CELSR1: variants seen among roughly 807,000 people sequenced by gnomAD.
CELSR1 encodes cadherin EGF LAG seven-pass G-type receptor 1, also known as adhesion G protein-coupled receptor C1.
In CELSR1, 110 loss-of-function variants were observed where a neutral mutation model predicts 249.1. The observed-to-expected ratio is 0.44, with a 90% CI of 0.38 to 0.52. The LOEUF is 0.52. CELSR1 is among the 20% of genes least tolerant of loss of function. The pLI is 0.00. For missense variants in CELSR1, 4,109 were observed against 4,296.4 expected, an observed-to-expected ratio of 0.96 and a Z score of 1.22; for synonymous variants, 2,113 against 1,900.0, an observed-to-expected ratio of 1.11 and a Z score of -2.92.
intron 1 of CELSR1, among the ~76,000 whole-genome samples, chr22:46,499,138 C>T (rs1020206723): frequency 6.7e-6 from 1 of 150,084 alleles, no homozygotes; most frequent in Non-Finnish European, 1.5e-5. Context: ...CGAGATCGTG[C>T]CACTGCACTC....
At chr22:46,371,087 C>T (rs1046008122) in intron 25 of CELSR1, among the ~76,000 whole-genome samples, 3 of 152,196 alleles carry the variant, frequency 2.0e-5, no homozygotes, top group South Asian at 2.1e-4. Context: ...GGCAAGGTAT[C>T]GCCTCCCTGT....
In CELSR1 at chr22:46,394,225, G is replaced by C. The variant is rs771811711; in HGVS notation, c.5881C>G (p.Pro1961Ala). 4.3e-6 allele frequency: 7 copies of C among 1,613,832 alleles called. No homozygotes were observed. The African/African-American group carries it at 5.3e-5, about 12-fold the overall frequency. Reference sequence around the variant, plus strand: ...GCACAGTGGCAGGGTCCACAGACGGGGTTCCCCCACCAGCCTCTGGGGCAC... The same window carrying C: ...GCACAGTGGCAGGGTCCACAGACGGCGTTCCCCCACCAGCCTCTGGGGCAC... Reference protein sequence around the residue: ...LPCPRGWWGNPVCGPCHCAVS... With the variant: ...LPCPRGWWGNAVCGPCHCAVS... The change falls in exon 14 of 35, where the codon CCC becomes GCC. Residue 1961 changes from proline to alanine, a missense_variant. This residue lies in a region of CELSR1 where 1,805 missense variants were observed against 1,831.6 expected (regional missense o/e 0.99). Transcript: ENST00000674500.
In CELSR1 at chr22:46,447,791, T is replaced by G. The variant is rs2079837169; in HGVS notation, c.4184-8380A>C. Among the ~76,000 whole-genome samples, 1 of 152,166 alleles carries G rather than the reference T, an allele frequency of 6.6e-6. No individual in the cohort carries two copies. Among genetic ancestry groups the G allele is most frequent in the Admixed American group, 6.5e-5 (1 of 15,274 alleles). On this transcript the variant is annotated intron_variant, in intron 2 of 34. Coordinates refer to ENST00000674500, the MANE Select transcript of CELSR1 (RefSeq NM_001378328.1). The surrounding 1 kb of genome is among the most constrained non-coding windows in gnomAD (Gnocchi z 4.7). ...CACACCACCACACCTGGCTAATTTT[T>G]GTATTTTAAGTAGAGACGGGGTTTC...
intron 27 of CELSR1, among the ~76,000 whole-genome samples, chr22:46,368,319 GA>G (rs2078810620): frequency 6.6e-6 from 1 of 152,088 alleles, no homozygotes; most frequent in Admixed American, 6.5e-5. Context: ...GTTCAGAGGG[GA>G]TGGAGTGAAT....
chr22:46,378,835 G>C, intron 22 of CELSR1, 118 bp from the exon 23 acceptor site: 1 of 1,336,602 alleles, frequency 7.5e-7, no homozygotes, highest in Non-Finnish European at 1.0e-6. Context: ...AAACCAAACA[G>C]CAGGTGCCGT....
intron 2 of CELSR1, among the ~76,000 whole-genome samples, chr22:46,451,598 T>A (rs909855): frequency 1.3e-5 from 2 of 152,144 alleles, no homozygotes; most frequent in East Asian, 2.0e-4. Context: ...CGGGCCCAGG[T>A]GACCCCAGCC....
In CELSR1 at chr22:46,517,293, GAAGA is replaced by G. The variant is rs2080637921; in HGVS notation, c.3544+16330_3544+16333del. Reference sequence around the variant, plus strand: ...GATGACCCGCAGGAAAAACAGGAGGGAAGAGAGAATTCCTGCCACAAATGCAATG... The same window carrying G: ...GATGACCCGCAGGAAAAACAGGAGGGGAGAATTCCTGCCACAAATGCAATG... On this transcript the variant is annotated intron_variant, in intron 1 of 34. Transcript: ENST00000674500. The surrounding 1 kb of genome is among the most constrained non-coding windows in gnomAD (Gnocchi z 5.4). Among the ~76,000 whole-genome samples, 1 of 152,222 alleles carries G rather than the reference GAAGA, an allele frequency of 6.6e-6. No homozygotes were observed. Among genetic ancestry groups the G allele is most frequent in the Admixed American group, 6.5e-5 (1 of 15,290 alleles).
In CELSR1 at chr22:46,484,849, G is replaced by A. The variant is rs16995308; in HGVS notation, c.3545-20504C>T. Reference sequence around the variant, plus strand: ...GCCTCCCTCCAATTTAGTGAATGGCGAGCAAATCATTTTCTTTGGGGGAAA... The same window carrying A: ...GCCTCCCTCCAATTTAGTGAATGGCAAGCAAATCATTTTCTTTGGGGGAAA... On this transcript the variant is annotated intron_variant, in intron 1 of 34. Transcript: ENST00000674500. The surrounding 1 kb of genome is among the most constrained non-coding windows in gnomAD (Gnocchi z 4.5). 0.01 allele frequency among the ~76,000 whole-genome samples: 1,511 copies of A among 150,298 alleles called. 35 individuals are homozygous for A. The highest frequency in any genetic ancestry group is 0.035 in the African/African-American group (1,439 of 40,988).
chr22:46,503,076 A>C (rs1424528812), intron 1 of CELSR1, among the ~76,000 whole-genome samples: 1 of 152,118 alleles, frequency 6.6e-6, no homozygotes, highest in Non-Finnish European at 1.5e-5. Flanking sequence ...TTTGTCCCTT[A>C]ACAGTCGGGG....
At chr22:46,485,717 G>A (rs910388758) in intron 1 of CELSR1, among the ~76,000 whole-genome samples, 7 of 152,166 alleles carry the variant, frequency 4.6e-5, no homozygotes, top group East Asian at 1.9e-4. Context: ...GGCGGGGACC[G>A]TTGACGCTCA....
intron 1 of CELSR1, among the ~76,000 whole-genome samples, chr22:46,532,415 A>G (rs1461225363): frequency 6.6e-6 from 1 of 152,262 alleles, no homozygotes; most frequent in Admixed American, 6.5e-5. Flanking sequence ...TTTGTATTAT[A>G]CCAAAACTGA....
rs1007339964 is a variant in CELSR1, at chr22:46,412,121, G to A, written c.4612-362C>T. Among the ~76,000 whole-genome samples the A allele has an allele frequency of 5.3e-5, 8 of 152,190 alleles. No homozygotes were observed. Among genetic ancestry groups the A allele is most frequent in the African/African-American group, 9.7e-5 (4 of 41,442 alleles). On this transcript the variant is annotated intron_variant, in intron 5 of 34. Transcript: ENST00000674500. The surrounding 1 kb of genome is among the most constrained non-coding windows in gnomAD (Gnocchi z 4.5). ...GCACACAGGGAGAAGCTGCGTGACC[G>A]CGGAGGCAGCTGCTGGAGCAGCTGT... is the stretch of plus-strand genomic sequence containing the variant.
chr22:46,483,168 A>G (rs544696430), intron 1 of CELSR1, among the ~76,000 whole-genome samples: 5 of 152,336 alleles, frequency 3.3e-5, no homozygotes, highest in Non-Finnish European at 5.9e-5. Context: ...TAGGTAAGCA[A>G]TTCTTAAACA....
intron 1 of CELSR1, chr22:46,481,784 C>A: frequency 3.6e-6 from 1 of 278,556 alleles, no homozygotes; most frequent in Non-Finnish European, 7.0e-6. Flanking sequence ...TTTTCTAAAT[C>A]TTTTTTTTTT....
chr22:46,534,041 G>A lies in CELSR1; in HGVS notation c.3130C>T (p.Arg1044Trp), dbSNP rs776848215. 13 of 1,613,568 alleles carry A rather than the reference G, an allele frequency of 8.1e-6. No individual in the cohort carries two copies. The highest frequency in any genetic ancestry group is 1.3e-5 in the African/African-American group (1 of 74,926). ...IMYQIVEGDMRHFFQLDLLNG... is the reference protein window; with the variant it reads ...IMYQIVEGDMWHFFQLDLLNG... Reference sequence around the variant, plus strand: ...AGCAGGTCCAGCTGGAAGAAATGCCGCATGTCCCCTTCCACAATCTGATAC... The same window carrying A: ...AGCAGGTCCAGCTGGAAGAAATGCCACATGTCCCCTTCCACAATCTGATAC... Residue 1044 changes from arginine (R) to tryptophan (W), a missense_variant, in exon 1 of 35, where the codon CGG becomes TGG. Around this residue, in one of 7 missense-constraint regions of CELSR1, gnomAD observed 886 missense variants for 896.5 expected, o/e 0.99. Coordinates refer to ENST00000674500, the MANE Select transcript of CELSR1 (RefSeq NM_001378328.1). The surrounding 1 kb of genome is among the most constrained non-coding windows in gnomAD (Gnocchi z 9.7).
At position 46,535,270 on chromosome 22, in the gene CELSR1, T is replaced by C. The variant is rs759323467; in HGVS notation, c.1901A>G (p.Asn634Ser). The C allele has an allele frequency of 7.5e-6, 12 of 1,610,366 alleles. No homozygotes were observed. Among genetic ancestry groups the C allele is most frequent in the South Asian group, 4.4e-5 (4 of 91,088 alleles). Residue 634 changes from asparagine (N) to serine (S), a missense_variant, in exon 1 of 35, where the codon AAC (asparagine) becomes AGC (serine). Physicochemically the swap from Asn to Ser is conservative, Grantham distance 46. Around this residue, in one of 7 missense-constraint regions of CELSR1, gnomAD observed 886 missense variants for 896.5 expected, o/e 0.99. Transcript: ENST00000674500. ...ACACACTGTGATCCAACCGGAGCTG[T>C]TGTGGATCTGGAAGGGGAAGTCAGG... is the stretch of plus-strand genomic sequence containing the variant. Reference protein sequence around the residue: ...PTPDFPFQIHNSSGWITVCAE... With the variant: ...PTPDFPFQIHSSSGWITVCAE...
At chr22:46,419,255 T>C (rs897742813) in intron 5 of CELSR1, among the ~76,000 whole-genome samples, 1 of 152,114 alleles carries the variant, frequency 6.6e-6, no homozygotes, top group East Asian at 1.9e-4. Context: ...TTCTTGCCAA[T>C]GACAAATGAA....
rs1178605679 is a variant in CELSR1 at position 46,393,909 on chromosome 22, A to G, written c.5964+233T>C. On this transcript the variant is annotated intron_variant, in intron 14 of 34. Coordinates refer to ENST00000674500, the MANE Select transcript of CELSR1 (RefSeq NM_001378328.1). This position sits in a 1 kb window ranked among gnomAD's most constrained non-coding sequence, Gnocchi z 4.1. ...CACGGGCGGGGGCTGGCAGGGCTGA[A>G]CCCGTAGTTTACACGTGGAAAGCAG... is the stretch of plus-strand genomic sequence containing the variant. Among the ~76,000 whole-genome samples, 1 of 152,160 alleles carries G rather than the reference A, an allele frequency of 6.6e-6. No homozygotes were observed. The highest frequency in any genetic ancestry group is 1.5e-5 in the Non-Finnish European group (1 of 68,018).
chr22:46,364,280 G>C (rs982698420), intron 33 of CELSR1, 29 bp from the exon 34 acceptor site: 10 of 1,599,554 alleles, frequency 6.3e-6, no homozygotes, highest in Non-Finnish European at 8.5e-6. Context: ...GCAAGGTCAA[G>C]TCCGGGTGAT....
Sources: allele counts gnomAD v4.1 joint callset (sites outside exome capture counted in the v4.1 genomes callset), GRCh38; gene constraint gnomAD v4.1.1; regional missense constraint gnomAD v4.1.1; non-coding constraint Gnocchi (gnomAD v3.1); transcripts MANE v1.5; gene names NCBI Gene and HGNC (gene_info 2026-07-23, HGNC 2026-07-21).